Variants in STK10 observed in about 807,000 individuals in gnomAD.
The protein encoded by STK10 is serine/threonine-protein kinase 10.
In STK10, 78 loss-of-function variants were observed where a neutral mutation model predicts 113.8. The observed-to-expected ratio is 0.69, with a 90% confidence interval of 0.57 to 0.83. The LOEUF (loss-of-function observed/expected upper bound fraction) is 0.83, where lower values mean the gene tolerates loss of function less well. Among genes scored for constraint, STK10 ranks in the 40% least tolerant of loss-of-function variants. STK10 has a pLI of 0.00. For synonymous variants in STK10, 465 were observed against 494.7 expected (o/e 0.94, Z 0.80); for missense variants, 1,109 against 1,280.1 (o/e 0.87, Z 2.04).
chr5:172,126,962 T>C (rs988404744), intron 3 of STK10, among the ~76,000 whole-genome samples: 1 of 152,142 alleles, frequency 6.6e-6, no homozygotes, highest in Non-Finnish European at 1.5e-5. Context: ...TTCCAGCGAA[T>C]GTCCTGCGTT....
intron 13 of STK10, chr5:172,061,597 G>A (rs189987658): frequency 2.4e-4 from 45 of 187,302 alleles, no homozygotes; most frequent in Non-Finnish European, 4.2e-4. Context: ...GATTATAGGT[G>A]AGCACCACCA....
At chr5:172,174,159 TTTG>T (rs201335043) in intron 1 of STK10, among the ~76,000 whole-genome samples, 9 of 151,930 alleles carry the variant, frequency 5.9e-5, no homozygotes, top group African/African-American at 1.9e-4. Flanking sequence ...GCAGGTATTT[TTTG>T]TTGTTGTTGT....
chr5:172,090,282 G>C lies in STK10; in HGVS notation c.1635C>G (p.Ser545=). The change falls in exon 10 of 19, where the codon TCC becomes TCG. Residue 545 remains serine, a synonymous_variant. Transcript: ENST00000176763. ...VDGVEVSITT[S]KIISEDEKKD... ...TCTTCTCATCTTCGCTGATGATCTT[G>C]GAGGTGGTGATGCTCACCTCCACAC... The C allele has an allele frequency of 1.2e-6, 2 of 1,614,084 alleles. No homozygotes were observed. The highest frequency in any genetic ancestry group is 1.7e-6 in the Non-Finnish European group (2 of 1,180,006).
At chr5:172,160,708 A>G (rs1021527865) in intron 1 of STK10, among the ~76,000 whole-genome samples, 1 of 152,138 alleles carries the variant, frequency 6.6e-6, no homozygotes, top group Non-Finnish European at 1.5e-5. Context: ...ATTCCTGCAC[A>G]TCTAGCACCC....
At chr5:172,179,440 C>G (rs1770812007) in intron 1 of STK10, among the ~76,000 whole-genome samples, 2 of 152,226 alleles carry the variant, frequency 1.3e-5, no homozygotes, top group Admixed American at 1.3e-4. Flanking sequence ...TGGAGAGTCC[C>G]CCTAATCTAG....
intron 10 of STK10, among the ~76,000 whole-genome samples, chr5:172,083,946 T>C (rs978865279): frequency 7.2e-6 from 1 of 138,958 alleles, no homozygotes; most frequent in Non-Finnish European, 1.6e-5. Context: ...AAAAAAAGAA[T>C]AATCAGTCAT....
intron 1 of STK10, among the ~76,000 whole-genome samples, chr5:172,159,238 A>G (rs6555999): frequency 0.67 from 102,439 of 152,096 alleles, 36,213 homozygotes; most frequent in African/African-American, 0.91. Context: ...ATGGGGTTCC[A>G]GTGTTGAACA....
intron 18 of STK10, among the ~76,000 whole-genome samples, chr5:172,049,473 C>T (rs1035690113): frequency 5.9e-5 from 9 of 152,082 alleles, no homozygotes; most frequent in African/African-American, 1.9e-4. Flanking sequence ...ACGAGGGAAG[C>T]GCATATGGCA....
chr5:172,082,244 G>A lies in STK10; in HGVS notation c.1989+82C>T. The A allele has an allele frequency of 7.1e-7, 1 of 1,410,872 alleles. No homozygotes were observed. The highest frequency in any genetic ancestry group is 2.6e-5 in the East Asian group (1 of 37,946). The allele number at this position is 1,410,872 out of a possible 1,614,324, so 87.4% of individuals were successfully genotyped here. A position where few individuals can be genotyped will look rare whatever the true frequency, so the allele number is the denominator to read the frequency against. ...AGCCGTACCCCTCTGCTGCCAAGGT[G>A]AGGTTGAGGCCACGATCACTTGCAA... is the stretch of plus-strand genomic sequence containing the variant. On this transcript the variant is annotated intron_variant, in intron 12 of 18. Coordinates refer to ENST00000176763, the MANE Select transcript of STK10 (RefSeq NM_005990.4). The surrounding 1 kb of genome is among the most constrained non-coding windows in gnomAD (Gnocchi z 4.3).
At position 172,091,969 on chromosome 5, in the gene STK10, G is replaced by A. The variant is rs184262302; in HGVS notation, c.1554+1443C>T. 5.0e-4 allele frequency among the ~76,000 whole-genome samples: 76 copies of A among 151,936 alleles called. 1 individual carries two copies. The East Asian group carries it at 0.012, about 25-fold the overall frequency. On this transcript the variant is annotated intron_variant, in intron 9 of 18. Transcript: ENST00000176763. ...TGCTGAGCTCCACTCCTGCTGAGTC[G>A]AGAGGGGCAGACTGTTTTTGCTCCC... is the stretch of plus-strand genomic sequence containing the variant.
At chr5:172,056,638 C>T (rs576934165) in intron 15 of STK10, among the ~76,000 whole-genome samples, 4 of 151,934 alleles carry the variant, frequency 2.6e-5, no homozygotes, top group East Asian at 3.9e-4. Flanking sequence ...GAGGCCAAGG[C>T]GGGCAGATCA....
At chr5:172,155,793 G>A (rs57501930) in intron 2 of STK10, among the ~76,000 whole-genome samples, 26,918 of 151,804 alleles carry the variant, frequency 0.18, 2,475 homozygotes, top group East Asian at 0.26. Context: ...TCAGGAGTTC[G>A]AGACCAGCCT....
intron 12 of STK10, among the ~76,000 whole-genome samples, chr5:172,073,759 C>A (rs1008892911): frequency 5.0e-5 from 6 of 120,222 alleles, no homozygotes; most frequent in Non-Finnish European, 9.8e-5. Context: ...CCAGCTTGGC[C>A]AACATGGTGA....
chr5:172,052,280 A>G (rs902636874), intron 18 of STK10, among the ~76,000 whole-genome samples: 1 of 152,206 alleles, frequency 6.6e-6, no homozygotes, highest in African/African-American at 2.4e-5. Context: ...GTCTGAGGTC[A>G]GCAAGGAAAC....
At chr5:172,047,053 A>G (rs1279490492) in intron 18 of STK10, among the ~76,000 whole-genome samples, 1 of 152,214 alleles carries the variant, frequency 6.6e-6, no homozygotes, top group Non-Finnish European at 1.5e-5. Flanking sequence ...TTCTAAAAAT[A>G]CTCCACAATG....
chr5:172,064,674 G>A (rs779119925), intron 13 of STK10, 46 bp downstream of exon 13: 21 of 1,597,732 alleles, frequency 1.3e-5, no homozygotes, highest in Non-Finnish European at 1.8e-5. Context: ...ACCATTCCAG[G>A]TCTCGCACCA....
At chr5:172,051,605 G>A (rs1045397906) in intron 18 of STK10, among the ~76,000 whole-genome samples, 2 of 152,270 alleles carry the variant, frequency 1.3e-5, no homozygotes, top group South Asian at 2.1e-4. Context: ...AGCCTTGGGC[G>A]AAAGAGTGAA....
At chr5:172,059,686 C>T (rs1428114275) in intron 14 of STK10, among the ~76,000 whole-genome samples, 1 of 152,064 alleles carries the variant, frequency 6.6e-6, no homozygotes, top group Non-Finnish European at 1.5e-5. Context: ...CCCTTCTTGC[C>T]CAAGAGTTCC....
intron 3 of STK10, among the ~76,000 whole-genome samples, chr5:172,125,043 G>C (rs1282933765): frequency 6.6e-6 from 1 of 152,176 alleles, no homozygotes; most frequent in Non-Finnish European, 1.5e-5. Context: ...TTGACTCCCT[G>C]AAAGTGTATT....
Sources: allele counts gnomAD v4.1 joint callset (sites outside exome capture counted in the v4.1 genomes callset), GRCh38; gene constraint gnomAD v4.1.1; non-coding constraint Gnocchi (gnomAD v3.1); transcripts MANE v1.5; gene names NCBI Gene and HGNC (gene_info 2026-07-23, HGNC 2026-07-21).